The following MGAT5 variants were observed in gnomAD, a reference collection of about 807,000 sequenced individuals.
MGAT5 encodes alpha-1,6-mannosylglycoprotein 6-beta-N-acetylglucosaminyltransferase A.
MGAT5 carries 30 observed loss-of-function variants against 94.3 expected under a neutral mutation model. The observed-to-expected ratio is 0.32, with a 90% CI of 0.24 to 0.43. The LOEUF (loss-of-function observed/expected upper bound fraction) is 0.43, where lower values mean the gene tolerates loss of function less well. MGAT5 is among the 20% of genes least tolerant of loss of function. The pLI is 1.00. For missense variants in MGAT5, 691 were observed against 905.5 expected (o/e 0.76, Z 3.04); for synonymous variants, 310 against 322.9 (o/e 0.96, Z 0.43).
At chr2:134,314,551 C>T (rs759856561) in intron 2 of MGAT5, among the ~76,000 whole-genome samples, 1 of 152,050 alleles carries the variant, frequency 6.6e-6, no homozygotes, top group African/African-American at 2.4e-5. Context: ...AGATGGACTG[C>T]CATAAAGGAA....
chr2:134,223,735 C>T (rs890179032), intron 1 of MGAT5, among the ~76,000 whole-genome samples: 2 of 152,004 alleles, frequency 1.3e-5, no homozygotes, highest in Non-Finnish European at 2.9e-5. Flanking sequence ...TTAGTTTTAG[C>T]CTTATTATGC....
chr2:134,160,842 T>C (rs1687701785), intron 1 of MGAT5, among the ~76,000 whole-genome samples: 1 of 152,246 alleles, frequency 6.6e-6, no homozygotes, highest in Non-Finnish European at 1.5e-5. Context: ...GAAAGTTGCA[T>C]GCAGTTCTTC....
intron 4 of MGAT5, among the ~76,000 whole-genome samples, chr2:134,325,547 T>G (rs1687592899): frequency 1.3e-5 from 2 of 152,114 alleles, no homozygotes; most frequent in South Asian, 4.1e-4. Flanking sequence ...ATCATCTGTT[T>G]CAATGTGTAT....
At chr2:134,307,515 T>C (rs745888242) in intron 2 of MGAT5, among the ~76,000 whole-genome samples, 1 of 152,140 alleles carries the variant, frequency 6.6e-6, no homozygotes, top group Non-Finnish European at 1.5e-5. Context: ...CGCAAGTGTT[T>C]TCAGTTGCCT....
intron 10 of MGAT5, among the ~76,000 whole-genome samples, chr2:134,401,535 C>CTG (rs1683052482): frequency 1.3e-5 from 2 of 152,308 alleles, no homozygotes; most frequent in South Asian, 4.1e-4. Flanking sequence ...TTAACAGGAG[C>CTG]TGTGGGTGGG....
intron 1 of MGAT5, among the ~76,000 whole-genome samples, chr2:134,204,095 A>T (rs923144830): frequency 1.3e-5 from 2 of 152,196 alleles, no homozygotes; most frequent in Non-Finnish European, 2.9e-5. Flanking sequence ...ATTTTTCTTA[A>T]TTAACCATGC....
intron 1 of MGAT5, among the ~76,000 whole-genome samples, chr2:134,255,729 G>A (rs980175119): frequency 3.4e-4 from 51 of 152,150 alleles, no homozygotes; most frequent in Non-Finnish European, 3.1e-4. Flanking sequence ...TGCAAGAATG[G>A]GGTTAGGTGA....
At chr2:134,236,024 C>G (rs1681621235) in intron 1 of MGAT5, among the ~76,000 whole-genome samples, 1 of 152,106 alleles carries the variant, frequency 6.6e-6, no homozygotes, top group Admixed American at 6.5e-5. Flanking sequence ...CTGGAAAATA[C>G]AGACCTGTTT....
intron 12 of MGAT5, among the ~76,000 whole-genome samples, chr2:134,417,594 A>G (rs1388034945): frequency 6.6e-6 from 1 of 152,138 alleles, no homozygotes; most frequent in Non-Finnish European, 1.5e-5. Flanking sequence ...TTTGGCAAGA[A>G]TATCCCAGAA....
chr2:134,344,017 GGT>G (rs1489722162), intron 7 of MGAT5, among the ~76,000 whole-genome samples: 1 of 152,194 alleles, frequency 6.6e-6, no homozygotes, highest in African/African-American at 2.4e-5. Context: ...CTGATGTGGT[GGT>G]AGTACAGAGC....
At chr2:134,336,813 G>A (rs961839099) in intron 5 of MGAT5, among the ~76,000 whole-genome samples, 1 of 152,178 alleles carries the variant, frequency 6.6e-6, no homozygotes, top group African/African-American at 2.4e-5. Flanking sequence ...AGTTGGCCAA[G>A]GCCATAGGTG....
intron 4 of MGAT5, among the ~76,000 whole-genome samples, chr2:134,323,311 A>G (rs1687440559): frequency 6.6e-6 from 1 of 152,152 alleles, no homozygotes; most frequent in South Asian, 2.1e-4. Flanking sequence ...TTTGGGGCAG[A>G]CAAGAGAAGA....
At chr2:134,187,797 C>T (rs1057043648) in intron 1 of MGAT5, among the ~76,000 whole-genome samples, 3 of 152,142 alleles carry the variant, frequency 2.0e-5, no homozygotes, top group Non-Finnish European at 2.9e-5. Flanking sequence ...TGAAAAATTT[C>T]CACCGTGACT....
Position 134,254,655 on chromosome 2 carries a change from T to C in MGAT5, c.241+11T>C. The C allele has an allele frequency of 6.2e-7, 1 of 1,614,006 alleles. No individual in the cohort carries two copies. The highest frequency in any genetic ancestry group is 8.5e-7 in the Non-Finnish European group (1 of 1,179,922). ...TCATGACAGCTTATGGTAAGCACTG[T>C]TTCTGGGACCTCTCCATTAAAGTGT... On this transcript the variant is annotated intron_variant, in intron 1 of 15. Coordinates refer to ENST00000281923, the MANE Select transcript of MGAT5 (RefSeq NM_002410.5).
chr2:134,448,588 G>A (rs1685927228), intron 15 of MGAT5, 61 bp from the exon 16 acceptor site: 1 of 1,522,680 alleles, frequency 6.6e-7, no homozygotes, highest in Admixed American at 1.7e-5. Context: ...CACAGGGCCA[G>A]TGACGAGGAA....
intron 2 of MGAT5, among the ~76,000 whole-genome samples, chr2:134,316,080 T>C (rs1686981048): frequency 6.6e-6 from 1 of 152,180 alleles, no homozygotes; most frequent in Non-Finnish European, 1.5e-5. Context: ...CAGTAGGTAA[T>C]GATATTTTCC....
At chr2:134,412,759 G>A in intron 11 of MGAT5, 110 bp from the exon 12 acceptor site, 1 of 1,370,664 alleles carries the variant, frequency 7.3e-7, no homozygotes, top group Non-Finnish European at 1.0e-6. Context: ...AAAGTGAGGT[G>A]TCCACACGGG....
At chr2:134,329,284 T>C (rs1687815193) in intron 4 of MGAT5, among the ~76,000 whole-genome samples, 1 of 152,036 alleles carries the variant, frequency 6.6e-6, no homozygotes, top group African/African-American at 2.4e-5. Context: ...AATTCTGGGT[T>C]TTATTCTGAG....
At chr2:134,152,417 A>G (rs1558959332) in intron 1 of MGAT5, among the ~76,000 whole-genome samples, 1 of 145,770 alleles carries the variant, frequency 6.9e-6, no homozygotes. Context: ...GGACCCGCCC[A>G]CCGCCATGGG....
Sources: allele counts gnomAD v4.1 joint callset (sites outside exome capture counted in the v4.1 genomes callset), GRCh38; gene constraint gnomAD v4.1.1; transcripts MANE v1.5; gene names NCBI Gene and HGNC (gene_info 2026-07-23, HGNC 2026-07-21).